Variants in ADCY8 observed in about 807,000 individuals in gnomAD.
ADCY8 encodes the protein adenylate cyclase 8, also known as adenylate cyclase type 8.
In ADCY8, 51 loss-of-function variants were observed where a neutral mutation model predicts 119.7. The observed-to-expected ratio is 0.43, with a 90% CI of 0.34 to 0.54. The LOEUF is 0.54. Ranked by LOEUF, ADCY8 falls within the 20% of genes least tolerant of loss-of-function variation. ADCY8 has a pLI of 0.03. For synonymous variants in ADCY8, 665 were observed against 651.0 expected, an observed-to-expected ratio of 1.02 and a Z score of -0.33; for missense variants, 1,383 against 1,598.8, an observed-to-expected ratio of 0.87 and a Z score of 2.30.
chr8:130,894,691 G>A (rs1309972325), intron 7 of ADCY8, among the ~76,000 whole-genome samples: 1 of 152,184 alleles, frequency 6.6e-6, no homozygotes, highest in Middle Eastern at 3.4e-3. Context: ...TGACACAAGG[G>A]GAAGTAAAAA....
At chr8:130,995,421 T>G (rs906873953) in intron 1 of ADCY8, among the ~76,000 whole-genome samples, 6 of 152,236 alleles carry the variant, frequency 3.9e-5, no homozygotes, top group African/African-American at 1.4e-4. Context: ...ACCTTTTTGG[T>G]TTTTGTATAT....
intron 1 of ADCY8, among the ~76,000 whole-genome samples, chr8:131,021,901 C>G (rs1386000038): frequency 6.6e-6 from 1 of 152,104 alleles, no homozygotes; most frequent in Admixed American, 6.6e-5. Flanking sequence ...CAAGTGTGTC[C>G]TCAAATGGCT....
At chr8:130,828,994 T>A (rs1816747047) in intron 12 of ADCY8, among the ~76,000 whole-genome samples, 1 of 152,170 alleles carries the variant, frequency 6.6e-6, no homozygotes, top group South Asian at 2.1e-4. Flanking sequence ...CCATTTCTTT[T>A]TGGCTGGGGG....
chr8:130,842,503 A>C (rs901104041), intron 11 of ADCY8, among the ~76,000 whole-genome samples: 1 of 151,968 alleles, frequency 6.6e-6, no homozygotes, highest in African/African-American at 2.4e-5. Flanking sequence ...TGGATACTTT[A>C]TATTGCTATG....
At chr8:130,989,455 T>A (rs981811201) in intron 2 of ADCY8, among the ~76,000 whole-genome samples, 1 of 152,162 alleles carries the variant, frequency 6.6e-6, no homozygotes, top group African/African-American at 2.4e-5. Flanking sequence ...GCCTAAAGTC[T>A]TAAATAAGAA....
At chr8:130,922,070 C>G (rs912530708) in intron 5 of ADCY8, among the ~76,000 whole-genome samples, 2 of 152,142 alleles carry the variant, frequency 1.3e-5, no homozygotes, top group Non-Finnish European at 2.9e-5. Context: ...TTAGCTCACT[C>G]AACCCCTCAT....
intron 9 of ADCY8, among the ~76,000 whole-genome samples, chr8:130,851,937 C>T (rs1432294759): frequency 6.6e-6 from 1 of 152,066 alleles, no homozygotes; most frequent in Admixed American, 6.5e-5. Flanking sequence ...AACTCTGAGG[C>T]TGGAGGGAAT....
chr8:131,003,621 T>TGCAATAGCAAC (rs1823021864), intron 1 of ADCY8, among the ~76,000 whole-genome samples: 1 of 151,520 alleles, frequency 6.6e-6, no homozygotes, highest in Non-Finnish European at 1.5e-5. Flanking sequence ...TTATGGACAG[T>TGCAATAGCAAC]CCTGCTTGGG....
chr8:130,950,995 G>A (rs1821253140), intron 3 of ADCY8, among the ~76,000 whole-genome samples: 1 of 152,188 alleles, frequency 6.6e-6, no homozygotes, highest in Non-Finnish European at 1.5e-5. Context: ...ACCGTGCCCG[G>A]CCAGTACATT....
chr8:130,874,867 C>T (rs752788568), intron 8 of ADCY8, among the ~76,000 whole-genome samples: 2 of 152,088 alleles, frequency 1.3e-5, no homozygotes, highest in Non-Finnish European at 2.9e-5. Flanking sequence ...CCCCCACCCA[C>T]ACCCCCAGCC....
chr8:130,966,258 C>T (rs1024302748), intron 2 of ADCY8, among the ~76,000 whole-genome samples: 1 of 152,196 alleles, frequency 6.6e-6, no homozygotes. Flanking sequence ...TGGATCCTTG[C>T]ACCTTATGTC....
At chr8:130,872,482 T>G (rs1818404019) in intron 8 of ADCY8, among the ~76,000 whole-genome samples, 1 of 152,228 alleles carries the variant, frequency 6.6e-6, no homozygotes, top group Admixed American at 6.5e-5. Context: ...CATGATCAGA[T>G]TTCTTGGGTA....
chr8:130,967,778 A>C (rs1292460042), intron 2 of ADCY8, among the ~76,000 whole-genome samples: 1 of 152,140 alleles, frequency 6.6e-6, no homozygotes, highest in Admixed American at 6.5e-5. Flanking sequence ...AATACATCAA[A>C]CTGGGAACTT....
intron 13 of ADCY8, among the ~76,000 whole-genome samples, chr8:130,814,885 C>G (rs377711): frequency 0.96 from 146,552 of 152,286 alleles, 70,559 homozygotes; most frequent in African/African-American, 0.99. Flanking sequence ...CATATCATAT[C>G]GTCAGAGGTG....
intron 2 of ADCY8, among the ~76,000 whole-genome samples, chr8:130,955,746 G>T (rs1207814856): frequency 1.3e-5 from 2 of 152,178 alleles, no homozygotes; most frequent in African/African-American, 4.8e-5. Flanking sequence ...GTTTCCTTTT[G>T]TGGAACTCAG....
At chr8:130,853,726 C>T (rs1817617810) in intron 9 of ADCY8, among the ~76,000 whole-genome samples, 1 of 151,864 alleles carries the variant, frequency 6.6e-6, no homozygotes, top group Non-Finnish European at 1.5e-5. Flanking sequence ...AAATGGCTTT[C>T]TTCTGGGTTT....
In ADCY8 at chr8:131,005,259, G is replaced by A. The variant is rs151187993; in HGVS notation, c.961-14717C>T. Among the ~76,000 whole-genome samples the A allele has an allele frequency of 1.6e-4, 25 of 152,296 alleles. No individual in the cohort carries two copies. The South Asian group carries it at 4.1e-3, about 25-fold the overall frequency. ...AAGGCTAAACGAGGCCATTGGAAGC[G>A]CTGTCTACAAAATACTTAGTATTTG... On this transcript the variant is annotated intron_variant, in intron 1 of 17. Transcript: ENST00000286355.
intron 14 of ADCY8, among the ~76,000 whole-genome samples, chr8:130,811,943 C>T (rs527990419): frequency 2.0e-5 from 3 of 152,308 alleles, no homozygotes; most frequent in South Asian, 4.1e-4. Context: ...ACCTTCAGTT[C>T]CCTCTTGAGT....
chr8:130,952,127 A>G, intron 2 of ADCY8, 129 bp from the exon 3 acceptor site: 1 of 1,039,740 alleles, frequency 9.6e-7, no homozygotes, highest in Non-Finnish European at 1.4e-6. Context: ...ATACCATTCT[A>G]TGAATACAAC....
Sources: allele counts gnomAD v4.1 joint callset (sites outside exome capture counted in the v4.1 genomes callset), GRCh38; gene constraint gnomAD v4.1.1; transcripts MANE v1.5; gene names NCBI Gene and HGNC (gene_info 2026-07-23, HGNC 2026-07-21).